RPSA2: variants seen among roughly 807,000 people sequenced by gnomAD.
RPSA2 encodes small ribosomal subunit protein uS2B.
At chr19:23,839,572 C>T in the RPSA2 span, among the ~76,000 whole-genome samples, 1 of 152,236 alleles carries the variant, frequency 6.6e-6, no homozygotes, top group Non-Finnish European at 1.5e-5. Context: ...TTCTTCCCCA[C>T]CTGTGAAGTG....
the RPSA2 span, among the ~76,000 whole-genome samples, chr19:23,828,201 G>C: frequency 6.7e-6 from 1 of 149,388 alleles, no homozygotes; most frequent in Non-Finnish European, 1.5e-5. Flanking sequence ...GTTTATATAT[G>C]TGCTGCATTC....
the RPSA2 span, chr19:23,807,891 T>C: frequency 2.6e-6 from 1 of 386,274 alleles, no homozygotes; most frequent in Non-Finnish European, 5.2e-6. Flanking sequence ...GCCTGGACAC[T>C]GCACAGCAGA....
the RPSA2 span, among the ~76,000 whole-genome samples, chr19:23,863,442 T>G: frequency 6.6e-6 from 1 of 151,634 alleles, no homozygotes; most frequent in Non-Finnish European, 1.5e-5. Context: ...TAGGCACCTA[T>G]AATCCCAGCT....
At chr19:23,827,338 G>A in the RPSA2 span, 7 of 1,588,112 alleles carry the variant, frequency 4.4e-6, no homozygotes, top group African/African-American at 2.7e-5. Context: ...AGAAGCTTCT[G>A]CTGGCAGCTC....
chr19:23,868,097 G>A, the RPSA2 span, among the ~76,000 whole-genome samples: 1 of 152,226 alleles, frequency 6.6e-6, no homozygotes, highest in East Asian at 1.9e-4. Flanking sequence ...ACTGCTGCAT[G>A]ACTTGAGAGC....
chr19:23,866,096 T>A, the RPSA2 span, among the ~76,000 whole-genome samples: 1 of 152,280 alleles, frequency 6.6e-6, no homozygotes, highest in Non-Finnish European at 1.5e-5. Flanking sequence ...CCTTTTCAGA[T>A]CTGGTACAAC....
chr19:23,854,328 G>C, the RPSA2 span, among the ~76,000 whole-genome samples: 1 of 152,184 alleles, frequency 6.6e-6, no homozygotes, highest in African/African-American at 2.4e-5. Context: ...AGTAAATTTA[G>C]AGGAATGGTA....
the RPSA2 span, among the ~76,000 whole-genome samples, chr19:23,869,839 C>G: frequency 6.6e-6 from 1 of 152,188 alleles, no homozygotes; most frequent in African/African-American, 2.4e-5. Context: ...TCAACACAGT[C>G]TTAATGTCAC....
chr19:23,797,918 T>A, the RPSA2 span, among the ~76,000 whole-genome samples: 1 of 152,222 alleles, frequency 6.6e-6, no homozygotes, highest in Admixed American at 6.5e-5. Context: ...ATAAGAGGCT[T>A]AATTAGTCCA....
At chr19:23,860,068 A>G in the RPSA2 span, among the ~76,000 whole-genome samples, 1 of 152,134 alleles carries the variant, frequency 6.6e-6, no homozygotes, top group Non-Finnish European at 1.5e-5. Flanking sequence ...TGCTGAACAC[A>G]TTGTCTTTTT....
the RPSA2 span, among the ~76,000 whole-genome samples, chr19:23,781,559 G>A: frequency 3.3e-5 from 5 of 151,510 alleles, no homozygotes; most frequent in South Asian, 2.1e-4. Context: ...GGCTGGTCTC[G>A]AACTCCTGAC....
the RPSA2 span, among the ~76,000 whole-genome samples, chr19:23,848,571 G>T: frequency 6.6e-6 from 1 of 152,150 alleles, no homozygotes; most frequent in African/African-American, 2.4e-5. Context: ...ATTTAGTTAT[G>T]TCCAAGGATA....
chr19:23,824,580 C>CTTTCTTTTTTTTTTTTTTTTTTTTTTT, the RPSA2 span, among the ~76,000 whole-genome samples: 31 of 63,822 alleles, frequency 4.9e-4, 12 homozygotes, highest in African/African-American at 6.1e-4. Flanking sequence ...TATAGCATTT[C>CTTTCTTTTTTTTTTTTTTTTTTTTTTT]TTTTTTTTTT....
chr19:23,793,336 C>A, the RPSA2 span, among the ~76,000 whole-genome samples: 1 of 142,126 alleles, frequency 7.0e-6, no homozygotes, highest in Non-Finnish European at 1.5e-5. Context: ...TGGTTCAATA[C>A]ATTTATTTCA....
At chr19:23,833,563 T>C in the RPSA2 span, among the ~76,000 whole-genome samples, 1 of 152,122 alleles carries the variant, frequency 6.6e-6, no homozygotes, top group African/African-American at 2.4e-5. Flanking sequence ...GTGTGTACAA[T>C]GTGGCCAAGC....
chr19:23,867,996 T>C, the RPSA2 span, among the ~76,000 whole-genome samples: 148,901 of 152,276 alleles, frequency 0.98, 72,896 homozygotes, highest in Middle Eastern at 1. Flanking sequence ...CATCTGTTGG[T>C]GAAAGAATAA....
At chr19:23,776,850 T>C in the RPSA2 span, among the ~76,000 whole-genome samples, 1 of 152,180 alleles carries the variant, frequency 6.6e-6, no homozygotes, top group African/African-American at 2.4e-5. Flanking sequence ...ACAGGGGGCA[T>C]TGTAACATAT....
At chr19:23,868,694 C>A in the RPSA2 span, among the ~76,000 whole-genome samples, 1 of 152,130 alleles carries the variant, frequency 6.6e-6, no homozygotes, top group Non-Finnish European at 1.5e-5. Flanking sequence ...GGAAGAAGGA[C>A]AATGGAAAGG....
chr19:23,831,300 G>A, the RPSA2 span, among the ~76,000 whole-genome samples: 1 of 152,144 alleles, frequency 6.6e-6, no homozygotes, highest in South Asian at 2.1e-4. Flanking sequence ...ACTTCTGAAG[G>A]TACTACGTTA....
Sources: gnomAD v4.1 joint callset for allele counts (sites outside exome capture counted in the v4.1 genomes callset) on GRCh38, gnomAD v4.1.1 for gene constraint, MANE v1.5 for transcripts, NCBI Gene and HGNC (gene_info 2026-07-23, HGNC 2026-07-21) for gene names.